ATG101: variants seen among roughly 807,000 people sequenced by gnomAD.
The protein encoded by ATG101 is autophagy-related protein 101.
ATG101 carries 6 observed loss-of-function variants against 16.7 expected under a neutral mutation model. The ratio of observed to expected loss-of-function variants is 0.36; its 90% CI spans 0.20 to 0.71. The LOEUF (loss-of-function observed/expected upper bound fraction) is 0.71, where lower values mean the gene tolerates loss of function less well. Ranked by LOEUF, ATG101 falls within the 30% of genes least tolerant of loss-of-function variation. The probability of loss-of-function intolerance (pLI) is 0.57; values close to 1 mark genes in which losing one functional copy is unlikely to be tolerated. For missense variants in ATG101, 200 were observed against 292.5 expected, an observed-to-expected ratio of 0.68 and a Z score of 2.31; for synonymous variants, 108 against 118.1, an observed-to-expected ratio of 0.91 and a Z score of 0.56.
Position 52,073,587 on chromosome 12 carries a change from G to A in ATG101, c.-64G>A. ...GCTCCTTTTGCAGGGTGGCCCTTGG[G>A]TAGGGTGAAGATCCCCTGTCTTTAT... On this transcript the variant is annotated 5_prime_UTR_variant, in exon 3 of 4. Transcript: ENST00000336854. 1.9e-6 allele frequency: 3 copies of A among 1,571,464 alleles called. No homozygotes were observed. The highest frequency in any genetic ancestry group is 2.6e-6 in the Non-Finnish European group (3 of 1,155,364).
chr12:52,068,324 G>C (rs1592314962), upstream of ATG101, among the ~76,000 whole-genome samples: 1 of 151,498 alleles, frequency 6.6e-6, no homozygotes, highest in South Asian at 2.1e-4. Flanking sequence ...AAAGTACCGG[G>C]ATTACAGGCA....
upstream of ATG101, among the ~76,000 whole-genome samples, chr12:52,065,466 T>C (rs1395453328): frequency 6.6e-6 from 1 of 152,198 alleles, no homozygotes; most frequent in Non-Finnish European, 1.5e-5. Context: ...GGTAGGGGCA[T>C]AGAATGAGAT....
chr12:52,071,647 T>G (rs1939652318), intron 2 of ATG101, among the ~76,000 whole-genome samples: 1 of 152,070 alleles, frequency 6.6e-6, no homozygotes, highest in Non-Finnish European at 1.5e-5. Context: ...CAAAACCCTT[T>G]CTTTACCAAA....
In ATG101 at chr12:52,077,481, A is replaced by G; in HGVS notation, c.*291A>G. 2.6e-6 allele frequency: 1 copy of G among 391,930 alleles called. No individual in the cohort carries two copies. Among genetic ancestry groups the G allele is most frequent in the Admixed American group, 3.9e-5 (1 of 25,430 alleles). 24.3% of individuals were successfully genotyped at this position (391,930 alleles called of 1,614,324 possible). A position where few individuals can be genotyped will look rare whatever the true frequency, so the allele number is the denominator to read the frequency against. On this transcript the variant is annotated 3_prime_UTR_variant, in exon 4 of 4. Coordinates refer to ENST00000336854, the MANE Select transcript of ATG101 (RefSeq NM_021934.5). ...TGGGATGGGGAATAAAGTTGAGAACATGAGTTTGGGCTGAGCCATCTCTCC... is the reference window on the plus strand; with the variant it reads ...TGGGATGGGGAATAAAGTTGAGAACGTGAGTTTGGGCTGAGCCATCTCTCC...
upstream of ATG101, chr12:52,069,341 T>C (rs1377973619): frequency 6.6e-6 from 1 of 152,256 alleles, no homozygotes; most frequent in African/African-American, 2.4e-5. Flanking sequence ...TATCAAGTAG[T>C]GCTGCTGCAT....
intron 3 of ATG101, 139 bp downstream of exon 3, chr12:52,074,041 G>A: frequency 7.7e-7 from 1 of 1,300,346 alleles, no homozygotes; most frequent in Non-Finnish European, 1.1e-6. Context: ...CAGGTTCTGA[G>A]AAACAGATGT....
chr12:52,066,278 T>C (rs1939548753), upstream of ATG101, among the ~76,000 whole-genome samples: 2 of 152,206 alleles, frequency 1.3e-5, no homozygotes, highest in South Asian at 2.1e-4. Context: ...GAAGCAGTTA[T>C]CTGAAGGCAG....
At chr12:52,076,097 G>A (rs1288011917) in intron 3 of ATG101, among the ~76,000 whole-genome samples, 1 of 152,208 alleles carries the variant, frequency 6.6e-6, no homozygotes, top group Non-Finnish European at 1.5e-5. Flanking sequence ...GTCCGAGGCT[G>A]CAGTGAGCCA....
At position 52,076,900 on chromosome 12, in the gene ATG101, A is replaced by C; in HGVS notation, c.367A>C (p.Thr123Pro). The change falls in exon 4 of 4, where the codon ACG becomes CCG. Residue 123 changes from threonine (T) to proline (P), a missense_variant. Coordinates refer to ENST00000336854, the MANE Select transcript of ATG101 (RefSeq NM_021934.5). ...SDECIPWEVWTVKVHVVALAT... is the reference protein window; with the variant it reads ...SDECIPWEVWPVKVHVVALAT... ...CGAGTGCATCCCATGGGAAGTGTGG[A>C]CGGTCAAGGTGCATGTGGTAGCCCT... 6.2e-7 allele frequency: 1 copy of C among 1,614,156 alleles called. No individual in the cohort carries two copies. Among genetic ancestry groups the C allele is most frequent in the Non-Finnish European group, 8.5e-7 (1 of 1,180,032 alleles).
upstream of ATG101, chr12:52,069,835 A>C (rs114152956): frequency 6.6e-6 from 1 of 152,222 alleles, no homozygotes; most frequent in African/African-American, 2.4e-5. Flanking sequence ...AGAGCAACGC[A>C]TGACTATCTG....
chr12:52,067,500 T>C (rs151022004), upstream of ATG101, among the ~76,000 whole-genome samples: 830 of 152,192 alleles, frequency 5.5e-3, 6 homozygotes, highest in Middle Eastern at 0.017. Flanking sequence ...GCTCCCATAG[T>C]GGCAAAGAGC....
chr12:52,070,107 T>C lies in ATG101; in HGVS notation c.-342T>C, dbSNP rs1939617648. On this transcript the variant is annotated 5_prime_UTR_variant, in exon 1 of 4. Coordinates refer to ENST00000336854, the MANE Select transcript of ATG101 (RefSeq NM_021934.5). ...TTTTAACCGTGTGCCCCCTCTCCTGTGCCGGCGTGGGCATCCCCCGGGGCA... is the reference window on the plus strand; with the variant it reads ...TTTTAACCGTGTGCCCCCTCTCCTGCGCCGGCGTGGGCATCCCCCGGGGCA... The C allele has an allele frequency of 6.6e-6, 1 of 152,328 alleles. No individual in the cohort carries two copies. Among genetic ancestry groups the C allele is most frequent in the African/African-American group, 2.4e-5 (1 of 41,458 alleles). 9.4% of individuals were successfully genotyped at this position (152,328 alleles called of 1,614,324 possible).
upstream of ATG101, among the ~76,000 whole-genome samples, chr12:52,068,605 C>G (rs186484538): frequency 5.3e-4 from 80 of 152,164 alleles, no homozygotes; most frequent in African/African-American, 1.9e-3. Flanking sequence ...GATGCTCTGT[C>G]CTAAGCCTTC....
chr12:52,067,871 C>T (rs1424737777), upstream of ATG101, among the ~76,000 whole-genome samples: 2 of 151,874 alleles, frequency 1.3e-5, no homozygotes, highest in Non-Finnish European at 2.9e-5. Flanking sequence ...GCTGGGATTA[C>T]AGGCGTGAGC....
chr12:52,075,084 G>A (rs548074765), intron 3 of ATG101, among the ~76,000 whole-genome samples: 3 of 152,302 alleles, frequency 2.0e-5, no homozygotes, highest in East Asian at 1.9e-4. Flanking sequence ...GTTAGAACAC[G>A]GGGGAGCTGT....
chr12:52,073,495 C>A lies in ATG101; in HGVS notation c.-76-80C>A, dbSNP rs908267062. The A allele has an allele frequency of 1.8e-5, 17 of 953,088 alleles. No homozygotes were observed. The South Asian group carries it at 2.6e-4, about 15-fold the overall frequency. 59.0% of individuals were successfully genotyped at this position (953,088 alleles called of 1,614,324 possible). ...AGAGAAGGGCCAGTGGAGGCAGAGG[C>A]TGAGCTGAGCCTAGAAGGAAGTGAA... On this transcript the variant is annotated intron_variant, in intron 2 of 3. Transcript: ENST00000336854.
upstream of ATG101, among the ~76,000 whole-genome samples, chr12:52,068,851 C>T (rs1939582366): frequency 6.6e-6 from 1 of 151,094 alleles, no homozygotes; most frequent in Non-Finnish European, 1.5e-5. Flanking sequence ...ATTAGCCGGG[C>T]GTGGTGGTGG....
chr12:52,072,229 C>CCCAA (rs1282542860), intron 2 of ATG101, among the ~76,000 whole-genome samples: 1 of 152,236 alleles, frequency 6.6e-6, no homozygotes, highest in Non-Finnish European at 1.5e-5. Context: ...AAGCAGCTTG[C>CCCAA]CCAAGATCAT....
rs967155163 is a variant in ATG101, at chr12:52,070,419, T to TGAG, written c.-129_-127dup. ...TACCTGCGGAGGTCGCACCAGGGCG[T>TGAG]GAGGAGGAGGAGGAAGGGCATGAGC... On this transcript the variant is annotated 5_prime_UTR_variant, in exon 2 of 4. Coordinates refer to ENST00000336854, the MANE Select transcript of ATG101 (RefSeq NM_021934.5). The TGAG allele has an allele frequency of 6.6e-6, 1 of 152,434 alleles. No individual in the cohort carries two copies. The highest frequency in any genetic ancestry group is 6.6e-5 in the Admixed American group (1 of 15,232). The allele number at this position is 152,434 out of a possible 1,614,324, so 9.4% of individuals were successfully genotyped here.
Sources: allele counts gnomAD v4.1 joint callset (sites outside exome capture counted in the v4.1 genomes callset), GRCh38; gene constraint gnomAD v4.1.1; transcripts MANE v1.5; gene names NCBI Gene and HGNC (gene_info 2026-07-23, HGNC 2026-07-21).